Variants in OR7E24 observed in about 807,000 individuals in gnomAD.
OR7E24 encodes olfactory receptor 7E24.
For missense variants in OR7E24, 385 were observed against 410.3 expected, an observed-to-expected ratio of 0.94 and a Z score of 0.53; for synonymous variants, 130 against 157.5, an observed-to-expected ratio of 0.83 and a Z score of 1.31.
At chr19:9,235,273 C>T in the OR7E24 span, 1 of 1,332,520 alleles carries the variant, frequency 7.5e-7, no homozygotes. Context: ...GGGGAACCTA[C>T]TCATCATCCT....
the OR7E24 span, chr19:9,207,182 A>C: frequency 1.3e-5 from 2 of 152,256 alleles, no homozygotes; most frequent in South Asian, 4.1e-4. Context: ...ATATACGTAT[A>C]GATTTTCTTC....
the OR7E24 span, among the ~76,000 whole-genome samples, chr19:9,216,822 G>A: frequency 7.1e-4 from 108 of 152,212 alleles, 1 homozygote; most frequent in Middle Eastern, 0.024. Context: ...GAACTCCTGG[G>A]CTCAAGTGAT....
chr19:9,230,823 T>G, the OR7E24 span, among the ~76,000 whole-genome samples: 1 of 152,218 alleles, frequency 6.6e-6, no homozygotes, highest in Non-Finnish European at 1.5e-5. Context: ...TACCAATGTC[T>G]TTAAATGTTC....
the OR7E24 span, chr19:9,236,037 G>C: frequency 6.2e-7 from 1 of 1,607,402 alleles, no homozygotes. Flanking sequence ...AGGATGTGAA[G>C]GGGGCCCTGG....
chr19:9,217,595 G>C, the OR7E24 span, among the ~76,000 whole-genome samples: 1 of 152,150 alleles, frequency 6.6e-6, no homozygotes, highest in African/African-American at 2.4e-5. Context: ...CTGGAGTATA[G>C]TGGTGCTATC....
chr19:9,208,885 T>A, the OR7E24 span: 1 of 151,864 alleles, frequency 6.6e-6, no homozygotes, highest in Non-Finnish European at 1.5e-5. Flanking sequence ...AGAGATGGGG[T>A]TTTGCCATGT....
At chr19:9,214,439 C>G in the OR7E24 span, 2 of 1,614,092 alleles carry the variant, frequency 1.2e-6, no homozygotes. Flanking sequence ...TCATGATGAC[C>G]GTGTAGTGCA....
At chr19:9,236,428 T>G in the OR7E24 span, among the ~76,000 whole-genome samples, 1 of 151,932 alleles carries the variant, frequency 6.6e-6, no homozygotes, top group Non-Finnish European at 1.5e-5. Context: ...GAGAATCGCT[T>G]GAACCCAGGA....
chr19:9,229,124 C>T, the OR7E24 span, among the ~76,000 whole-genome samples: 1 of 152,140 alleles, frequency 6.6e-6, no homozygotes, highest in Non-Finnish European at 1.5e-5. Context: ...AAAAAAAGAT[C>T]CCTTTGCCTC....
the OR7E24 span, among the ~76,000 whole-genome samples, chr19:9,232,755 C>T: frequency 6.6e-6 from 1 of 152,168 alleles, no homozygotes; most frequent in South Asian, 2.1e-4. Flanking sequence ...CTGTTAAACC[C>T]AATCCTTGTT....
upstream of OR7E24, chr19:9,247,225 G>T: frequency 2.7e-6 from 1 of 364,238 alleles, no homozygotes; most frequent in Non-Finnish European, 4.9e-6. Flanking sequence ...TGTTAATATG[G>T]GGCAGTCCTT....
At chr19:9,233,705 A>C in the OR7E24 span, among the ~76,000 whole-genome samples, 1 of 152,146 alleles carries the variant, frequency 6.6e-6, no homozygotes, top group Non-Finnish European at 1.5e-5. Flanking sequence ...AAGAAATGAC[A>C]CTCATGCAAG....
chr19:9,224,565 G>A, the OR7E24 span, among the ~76,000 whole-genome samples: 1 of 151,932 alleles, frequency 6.6e-6, no homozygotes, highest in South Asian at 2.1e-4. Flanking sequence ...AGACCAGCAT[G>A]GCCAACAAGG....
At chr19:9,245,500 C>T (rs2066126586), upstream of OR7E24, among the ~76,000 whole-genome samples, 1 of 152,076 alleles carries the variant, frequency 6.6e-6, no homozygotes, top group Non-Finnish European at 1.5e-5. Context: ...GATGGTTCCT[C>T]ATAAAATGAA....
At chr19:9,212,779 G>T in the OR7E24 span, 2 of 152,234 alleles carry the variant, frequency 1.3e-5, no homozygotes, top group Middle Eastern at 3.4e-3. Context: ...TTGAGACAGG[G>T]TCTTGCTCTG....
At chr19:9,223,444 T>C in the OR7E24 span, among the ~76,000 whole-genome samples, 1 of 152,224 alleles carries the variant, frequency 6.6e-6, no homozygotes, top group Non-Finnish European at 1.5e-5. Context: ...TATTTTCATT[T>C]ATCATATCCA....
At chr19:9,210,319 A>G in the OR7E24 span, 1 of 152,084 alleles carries the variant, frequency 6.6e-6, no homozygotes, top group Non-Finnish European at 1.5e-5. Flanking sequence ...AAGAACCATA[A>G]TATCTGGCTG....
chr19:9,223,630 A>G, the OR7E24 span, among the ~76,000 whole-genome samples: 1 of 151,404 alleles, frequency 6.6e-6, no homozygotes, highest in African/African-American at 2.4e-5. Flanking sequence ...CCCCTTTTTC[A>G]GGGTGTCCCT....
chr19:9,242,874 CCT>C (rs1009923641), upstream of OR7E24, among the ~76,000 whole-genome samples: 2 of 149,516 alleles, frequency 1.3e-5, no homozygotes, highest in Admixed American at 6.6e-5. Context: ...CTCATTCCCT[CCT>C]CTTTCTTCCC....
Sources: gnomAD v4.1 joint callset for allele counts (sites outside exome capture counted in the v4.1 genomes callset) on GRCh38, gnomAD v4.1.1 for gene constraint, MANE v1.5 for transcripts, NCBI Gene and HGNC (gene_info 2026-07-23, HGNC 2026-07-21) for gene names.